The following ACP3 variants were observed in gnomAD, a reference collection of about 807,000 sequenced individuals.
ACP3 encodes prostatic acid phosphatase.
ACP3 carries 38 observed loss-of-function variants against 45.6 expected under a neutral mutation model. The observed-to-expected ratio is 0.83, with a 90% CI of 0.64 to 1.09. The LOEUF (loss-of-function observed/expected upper bound fraction) is 1.09. ACP3 is among the 50% of genes least tolerant of loss of function. The probability of loss-of-function intolerance (pLI) is 0.00; values close to 1 mark genes in which losing one functional copy is unlikely to be tolerated. For missense variants in ACP3, 466 were observed against 463.2 expected (o/e 1.01, Z -0.05); for synonymous variants, 162 against 164.7 (o/e 0.98, Z 0.13).
intron 9 of ACP3, among the ~76,000 whole-genome samples, chr3:132,354,496 T>C (rs1458047143): frequency 2.6e-5 from 4 of 152,196 alleles, no homozygotes; most frequent in Non-Finnish European, 5.9e-5. Context: ...AGGATTTTTT[T>C]TATTGGCACT....
At chr3:132,332,643 A>C (rs1490398081) in intron 4 of ACP3, 1 of 289,866 alleles carries the variant, frequency 3.4e-6, no homozygotes, top group African/African-American at 2.2e-5. Flanking sequence ...AGGGAGATAG[A>C]CAAGTCCCCC....
chr3:132,355,996 A>G (rs1010186550), intron 9 of ACP3, among the ~76,000 whole-genome samples: 19 of 152,288 alleles, frequency 1.2e-4, no homozygotes, highest in African/African-American at 4.6e-4. Context: ...TGGCTTCCAT[A>G]AGCAACTCAC....
downstream of ACP3, among the ~76,000 whole-genome samples, chr3:132,363,534 A>G (rs1201083429): frequency 6.6e-6 from 1 of 152,162 alleles, no homozygotes; most frequent in Non-Finnish European, 1.5e-5. Context: ...CAGGGCCACA[A>G]TTGCGGTTCT....
At chr3:132,331,970 T>C (rs1010088071) in intron 3 of ACP3, among the ~76,000 whole-genome samples, 3 of 152,232 alleles carry the variant, frequency 2.0e-5, no homozygotes. Context: ...CACTGCTTAA[T>C]TGATCTCATT....
intron 6 of ACP3, among the ~76,000 whole-genome samples, chr3:132,344,621 C>A (rs940829239): frequency 5.3e-5 from 8 of 152,090 alleles, no homozygotes; most frequent in African/African-American, 1.7e-4. Flanking sequence ...GATTTCTAAC[C>A]CTTTCATAAA....
At chr3:132,321,872 A>G (rs1437671811) in intron 1 of ACP3, among the ~76,000 whole-genome samples, 5 of 152,226 alleles carry the variant, frequency 3.3e-5, no homozygotes, top group African/African-American at 1.2e-4. Context: ...TGTCTGAATA[A>G]TATAACAACA....
intron 8 of ACP3, 116 bp from the exon 9 acceptor site, chr3:132,352,604 T>C: frequency 2.8e-6 from 2 of 716,666 alleles, no homozygotes; most frequent in South Asian, 1.6e-5. Context: ...TATTAAGTCA[T>C]TGTGGGCGTA....
At chr3:132,330,835 ATCAC>A (rs1413276958) in intron 2 of ACP3, among the ~76,000 whole-genome samples, 1 of 152,196 alleles carries the variant, frequency 6.6e-6, no homozygotes, top group Non-Finnish European at 1.5e-5. Flanking sequence ...ATGCATCTGA[ATCAC>A]TTGGGAGACT....
In ACP3 at chr3:132,342,648, A is replaced by G. The variant is rs1302192068; in HGVS notation, c.648+4A>G. The G allele has an allele frequency of 6.4e-7, 1 of 1,553,538 alleles. No individual in the cohort carries two copies. Among genetic ancestry groups the G allele is most frequent in the African/African-American group, 1.4e-5 (1 of 72,492 alleles). On this transcript the variant is annotated splice_donor_region_variant and intron_variant, in intron 6 of 9. Coordinates refer to ENST00000336375, the MANE Select transcript of ACP3 (RefSeq NM_001099.5). ...CTACGACCCTTTATATTGTGAGGTA[A>G]AAGAAAAAAAAATCACAGGTTAACT...
At chr3:132,341,369 A>C (rs1466210008) in intron 5 of ACP3, among the ~76,000 whole-genome samples, 1 of 152,182 alleles carries the variant, frequency 6.6e-6, no homozygotes, top group Non-Finnish European at 1.5e-5. Flanking sequence ...TGATTGTTTT[A>C]ACATTTTTTA....
In ACP3 at chr3:132,337,536, G is replaced by C; in HGVS notation, c.537G>C (p.Lys179Asn). 6.2e-7 allele frequency: 1 copy of C among 1,609,666 alleles called. No individual in the cohort carries two copies. Among genetic ancestry groups the C allele is most frequent in the Non-Finnish European group, 8.5e-7 (1 of 1,176,436 alleles). The change falls in exon 5 of 10, where the codon AAG (lysine) becomes AAC (asparagine). Residue 179 changes from lysine (K) to asparagine (N), a missense_variant. Transcript: ENST00000336375. ...CTTTGAAATCAGAGGAATTCCAGAA[G>C]AGGCTGCACCCTTATAAGGTTAAAA... is the stretch of plus-strand genomic sequence containing the variant. Reference protein sequence around the residue: ...SETLKSEEFQKRLHPYKDFIA... With the variant: ...SETLKSEEFQNRLHPYKDFIA...
intron 6 of ACP3, among the ~76,000 whole-genome samples, chr3:132,343,787 C>T (rs1053119791): frequency 5.3e-5 from 8 of 152,130 alleles, no homozygotes; most frequent in Non-Finnish European, 7.4e-5. Context: ...ATTCATTTAA[C>T]GCATATTTAC....
chr3:132,325,590 T>C (rs1314308358), intron 1 of ACP3, among the ~76,000 whole-genome samples: 1 of 40,490 alleles, frequency 2.5e-5, no homozygotes, highest in East Asian at 4.0e-4. Flanking sequence ...TTTCTTCTGA[T>C]ACAAAACACA....
At chr3:132,330,500 T>A (rs1937380911) in intron 2 of ACP3, among the ~76,000 whole-genome samples, 1 of 152,188 alleles carries the variant, frequency 6.6e-6, no homozygotes, top group South Asian at 2.1e-4. Flanking sequence ...TCCAGGTGAT[T>A]CTGTGCATGC....
In ACP3 at chr3:132,332,875, T is replaced by C. The variant is rs370057955; in HGVS notation, c.456+531T>C. On this transcript the variant is annotated intron_variant, in intron 4 of 9. Coordinates refer to ENST00000336375, the MANE Select transcript of ACP3 (RefSeq NM_001099.5). The stretch of plus-strand genomic sequence containing the variant: ...CTCTGAATGGACAATATTCTTGCTC[T>C]CCTTTTATAGTGAGGGAAATAAGTG... Among the ~76,000 whole-genome samples the C allele has an allele frequency of 6.6e-5, 10 of 152,364 alleles. No homozygotes were observed. The South Asian group carries it at 1.2e-3, about 19-fold the overall frequency.
At chr3:132,335,423 A>G (rs967164809) in intron 4 of ACP3, among the ~76,000 whole-genome samples, 1 of 152,126 alleles carries the variant, frequency 6.6e-6, no homozygotes, top group Non-Finnish European at 1.5e-5. Flanking sequence ...AGAATCAGAA[A>G]TGATGAACAG....
chr3:132,365,572 T>C (rs1273075758), intron 10 of ACP3, among the ~76,000 whole-genome samples: 1 of 152,234 alleles, frequency 6.6e-6, no homozygotes. Context: ...CCTCATAAAC[T>C]ATCATCATTA....
At chr3:132,330,582 A>G (rs1576411679) in intron 2 of ACP3, among the ~76,000 whole-genome samples, 1 of 152,140 alleles carries the variant, frequency 6.6e-6, no homozygotes, top group African/African-American at 2.4e-5. Flanking sequence ...AATTAGACCT[A>G]AAGTACCTGC....
exon 11 of ACP3, chr3:132,367,782 G>T (rs762739573): frequency 6.2e-7 from 1 of 1,613,578 alleles, no homozygotes; most frequent in Admixed American, 1.7e-5. Context: ...CACATTCGCC[G>T]TGGACTCTGC....
Sources: allele counts gnomAD v4.1 joint callset (sites outside exome capture counted in the v4.1 genomes callset), GRCh38; gene constraint gnomAD v4.1.1; transcripts MANE v1.5; gene names NCBI Gene and HGNC (gene_info 2026-07-23, HGNC 2026-07-21).